NLRC3: variants seen among roughly 807,000 people sequenced by gnomAD.
The protein encoded by NLRC3 is NLR family CARD domain-containing protein 3.
A neutral mutation model predicts 91.6 loss-of-function variants in NLRC3; 87 were observed. The observed-to-expected ratio is 0.95, with a 90% CI of 0.80 to 1.14. The LOEUF is 1.14. Among genes scored for constraint, NLRC3 ranks in the 50% most tolerant of loss-of-function variants. NLRC3 has a pLI of 0.00. For synonymous variants in NLRC3, 694 were observed against 625.3 expected (o/e 1.11, Z -1.64); for missense variants, 1,577 against 1,418.6 (o/e 1.11, Z -1.79).
chr16:3,544,647 G>A (rs2151081218), intron 15 of NLRC3: 1 of 318,762 alleles, frequency 3.1e-6, no homozygotes, highest in South Asian at 4.3e-5. Flanking sequence ...TGAACTTAAA[G>A]CCCTCAATCC....
At chr16:3,553,908 AT>A (rs761837100) in intron 9 of NLRC3, among the ~76,000 whole-genome samples, 2,874 of 130,348 alleles carry the variant, frequency 0.022, 77 homozygotes, top group African/African-American at 0.064. Flanking sequence ...TGCCTGGTTA[AT>A]TTTTTTTTTT....
At chr16:3,557,939 C>T (rs1283442574) in intron 6 of NLRC3, among the ~76,000 whole-genome samples, 1 of 152,208 alleles carries the variant, frequency 6.6e-6, no homozygotes. Context: ...TCCAGCACAA[C>T]AGCTTCTACA....
intron 12 of NLRC3, 82 bp from the exon 13 acceptor site, chr16:3,549,307 T>A: frequency 1.9e-6 from 2 of 1,032,728 alleles, no homozygotes; most frequent in Non-Finnish European, 3.0e-6. Context: ...TTAGGCTTCT[T>A]GAAGCCCAAG....
In NLRC3 at chr16:3,539,573, A is replaced by T. The variant is rs2038320804; in HGVS notation, c.*2252T>A. ...GCCCAGCTTTCTCCAGTGTTTGGCTACTGCAACTCTGTGTTCTGCCAGTCT... is the reference window on the plus strand; with the variant it reads ...GCCCAGCTTTCTCCAGTGTTTGGCTTCTGCAACTCTGTGTTCTGCCAGTCT... On this transcript the variant is annotated 3_prime_UTR_variant, in exon 20 of 20. Transcript: ENST00000359128. 6.6e-6 allele frequency: 1 copy of T among 152,236 alleles called. No homozygotes were observed. Among genetic ancestry groups the T allele is most frequent in the Non-Finnish European group, 1.5e-5 (1 of 68,054 alleles). The allele number at this position is 152,236 out of a possible 1,614,324, so 9.4% of individuals were successfully genotyped here. A position where few individuals can be genotyped will look rare whatever the true frequency, so the allele number is the denominator to read the frequency against.
intron 15 of NLRC3, among the ~76,000 whole-genome samples, chr16:3,546,427 G>A (rs960288728): frequency 6.6e-5 from 10 of 151,406 alleles, no homozygotes; most frequent in Non-Finnish European, 1.5e-4. Flanking sequence ...CGTGGTGTTG[G>A]GCACCTGTAA....
At chr16:3,568,987 C>G (rs1479641024) in intron 1 of NLRC3, among the ~76,000 whole-genome samples, 1 of 152,146 alleles carries the variant, frequency 6.6e-6, no homozygotes, top group Non-Finnish European at 1.5e-5. Flanking sequence ...TGGTTTTCAT[C>G]ATTTTCCAGT....
intron 5 of NLRC3, among the ~76,000 whole-genome samples, chr16:3,562,089 A>G (rs1404431290): frequency 6.6e-6 from 1 of 151,800 alleles, no homozygotes; most frequent in African/African-American, 2.4e-5. Context: ...TTTCCTCCCT[A>G]CTCACTAAGG....
chr16:3,546,869 T>C (rs755617304), intron 15 of NLRC3, among the ~76,000 whole-genome samples: 1 of 151,678 alleles, frequency 6.6e-6, no homozygotes, highest in Non-Finnish European at 1.5e-5. Context: ...GAAGATGACA[T>C]AGGACGATCC....
chr16:3,559,732 A>C (rs527591525), intron 6 of NLRC3, among the ~76,000 whole-genome samples: 1 of 147,984 alleles, frequency 6.8e-6, no homozygotes, highest in Non-Finnish European at 1.5e-5. Flanking sequence ...TCTGCCTCCC[A>C]GACTCAAGCA....
Position 3,563,442 on chromosome 16 carries a change from C to A in NLRC3, c.1495G>T (p.Ala499Ser). Residue 499 changes from alanine to serine, a missense_variant, in exon 5 of 20, where the codon GCC becomes TCC. Coordinates refer to ENST00000359128, the MANE Select transcript of NLRC3 (RefSeq NM_178844.4). ...TCCTCTGCCTGCATGGCCCGCTGGG[C>A]TGCGCTCCTGAAATGCGTGAGGAAG... ...LGFLTHFRSA[A>S]QRAMQAEDGR... 1 of 1,577,192 alleles carries A rather than the reference C, an allele frequency of 6.3e-7. No homozygotes were observed. The highest frequency in any genetic ancestry group is 2.3e-5 in the East Asian group (1 of 42,804).
rs1468079939 is a variant in NLRC3 at position 3,550,470 on chromosome 16, T to G, written c.2379A>C (p.Gly793=). 1 of 1,613,260 alleles carries G rather than the reference T, an allele frequency of 6.2e-7. No individual in the cohort carries two copies. Among genetic ancestry groups the G allele is most frequent in the Admixed American group, 1.7e-5 (1 of 60,024 alleles). Residue 793 remains glycine (G), a synonymous_variant, in exon 11 of 20, where the codon GGA becomes GGC. Coordinates refer to ENST00000359128, the MANE Select transcript of NLRC3 (RefSeq NM_178844.4). ...LMFSSNSIGD[G]GAKALAEALK... ...GGGCCTCAGCCAGGGCCTTGGCACCTCCATCACCAATACTATTACTGGAGA... is the reference window on the plus strand; with the variant it reads ...GGGCCTCAGCCAGGGCCTTGGCACCGCCATCACCAATACTATTACTGGAGA...
chr16:3,569,403 T>A (rs1193606439), intron 1 of NLRC3, among the ~76,000 whole-genome samples: 145 of 100,752 alleles, frequency 1.4e-3, no homozygotes, highest in African/African-American at 3.0e-3. Flanking sequence ...TATTATTTTT[T>A]TTTTTTTTTT....
rs983359572 is a variant in NLRC3 at position 3,563,404 on chromosome 16, G to A, written c.1533C>T (p.Asp511=). The A allele has an allele frequency of 1.2e-5, 19 of 1,578,164 alleles. No individual in the cohort carries two copies. The highest frequency in any genetic ancestry group is 1.7e-4 in the Middle Eastern group (1 of 5,940). ...GGCCGGAGAGGAAGCGCAGGAACAC[G>A]TCCAGCCTCCCGTCCTCTGCCTGCA... ...RAMQAEDGRL[D]VFLRFLSGLL... The change falls in exon 5 of 20, where the codon GAC becomes GAT. Residue 511 remains aspartate (D), a synonymous_variant. Coordinates refer to ENST00000359128, the MANE Select transcript of NLRC3 (RefSeq NM_178844.4).
chr16:3,560,575 A>C (rs1469463325), intron 6 of NLRC3, among the ~76,000 whole-genome samples: 2 of 152,240 alleles, frequency 1.3e-5, no homozygotes, highest in Admixed American at 6.5e-5. Context: ...ATGTTATTCC[A>C]GGAGACGTTT....
At chr16:3,545,115 C>G (rs1254793364) in intron 15 of NLRC3, 1 of 152,228 alleles carries the variant, frequency 6.6e-6, no homozygotes, top group Non-Finnish European at 1.5e-5. Context: ...CTGGTATGTT[C>G]AAGGCCAAGA....
Position 3,563,407 on chromosome 16 carries a change from C to T in NLRC3, c.1530G>A (p.Leu510=). The T allele has an allele frequency of 6.3e-7, 1 of 1,577,254 alleles. No individual in the cohort carries two copies. Among genetic ancestry groups the T allele is most frequent in the Non-Finnish European group, 8.6e-7 (1 of 1,162,080 alleles). ...QRAMQAEDGR[L]DVFLRFLSGL... ...CGGAGAGGAAGCGCAGGAACACGTCCAGCCTCCCGTCCTCTGCCTGCATGG... is the reference window on the plus strand; with the variant it reads ...CGGAGAGGAAGCGCAGGAACACGTCTAGCCTCCCGTCCTCTGCCTGCATGG... Residue 510 remains leucine, a synonymous_variant, in exon 5 of 20, where the codon CTG becomes CTA. Coordinates refer to ENST00000359128, the MANE Select transcript of NLRC3 (RefSeq NM_178844.4).
At chr16:3,576,396 G>T (rs1027015216) in intron 1 of NLRC3, among the ~76,000 whole-genome samples, 1 of 152,158 alleles carries the variant, frequency 6.6e-6, no homozygotes, top group Non-Finnish European at 1.5e-5. Flanking sequence ...TCATGACCTC[G>T]CCCCTCCTGT....
Position 3,557,602 on chromosome 16 carries a change from G to C in NLRC3, c.2090C>G (p.Thr697Ser), listed in dbSNP as rs2039405125. ...GGTTGTCCTTACTTACTCCAGAGAG[G>C]TCAGACTTCTGTTGACCAAGAGGGA... ...ARSLLVNRSL[T>S]SLDLRGNSIG... Residue 697 changes from threonine (T) to serine (S), a missense_variant, in exon 7 of 20, where the codon ACC (threonine) becomes AGC (serine). By Grantham distance (58) the Thr-to-Ser change is moderately conservative (BLOSUM62 1). Coordinates refer to ENST00000359128, the MANE Select transcript of NLRC3 (RefSeq NM_178844.4). The C allele has an allele frequency of 6.2e-7, 1 of 1,611,558 alleles. No homozygotes were observed. Among genetic ancestry groups the C allele is most frequent in the African/African-American group, 1.3e-5 (1 of 74,860 alleles).
chr16:3,575,302 C>T (rs113206113), intron 1 of NLRC3, among the ~76,000 whole-genome samples: 292 of 152,314 alleles, frequency 1.9e-3, no homozygotes, highest in African/African-American at 6.7e-3. Context: ...AGGCCCTGCA[C>T]GCAGCCCTAA....
Sources: allele counts gnomAD v4.1 joint callset (sites outside exome capture counted in the v4.1 genomes callset), GRCh38; gene constraint gnomAD v4.1.1; transcripts MANE v1.5; gene names NCBI Gene and HGNC (gene_info 2026-07-23, HGNC 2026-07-21).